HMCN1: variants seen among roughly 807,000 people sequenced by gnomAD.
HMCN1 encodes hemicentin-1.
In HMCN1, 321 loss-of-function variants were observed where a neutral mutation model predicts 625.9. The ratio of observed to expected loss-of-function variants is 0.51; its 90% CI spans 0.47 to 0.56. The LOEUF is 0.56. Ranked by LOEUF, HMCN1 falls within the 20% of genes least tolerant of loss-of-function variation. The pLI, the probability that HMCN1 is intolerant of heterozygous loss-of-function variation, is 0.00. For missense variants in HMCN1, 6,588 were observed against 6,887.3 expected (o/e 0.96, Z 1.54); for synonymous variants, 2,425 against 2,417.6 (o/e 1.00, Z -0.09).
intron 52 of HMCN1, among the ~76,000 whole-genome samples, chr1:186,071,709 A>C (rs1337274785): frequency 6.6e-6 from 1 of 152,190 alleles, no homozygotes; most frequent in Non-Finnish European, 1.5e-5. Context: ...GTCATCTTAT[A>C]AAATAAGCAA....
chr1:185,736,906 A>G (rs1456023279), intron 1 of HMCN1, among the ~76,000 whole-genome samples: 1 of 152,240 alleles, frequency 6.6e-6, no homozygotes, highest in Non-Finnish European at 1.5e-5. Flanking sequence ...AATTGTGTGT[A>G]TAATTCAACA....
At chr1:186,023,288 GTTT>G (rs74451695) in intron 36 of HMCN1, 135 bp downstream of exon 36, 251 of 526,110 alleles carry the variant, frequency 4.8e-4, no homozygotes, top group Non-Finnish European at 5.3e-4. Context: ...AAAACCTAGG[GTTT>G]TTTTTTTTTT....
chr1:186,155,665 C>T (rs116921173), intron 97 of HMCN1, among the ~76,000 whole-genome samples: 2,553 of 152,192 alleles, frequency 0.017, 151 homozygotes, highest in East Asian at 0.1. Context: ...ATCTGGGTCC[C>T]ACAATATAAA....
chr1:185,758,247 C>T (rs1655260749), intron 1 of HMCN1, among the ~76,000 whole-genome samples: 1 of 152,174 alleles, frequency 6.6e-6, no homozygotes. Flanking sequence ...AAACTGCCAG[C>T]ATATGACTTT....
chr1:185,829,111 T>A (rs1660698849), intron 1 of HMCN1, among the ~76,000 whole-genome samples: 1 of 152,076 alleles, frequency 6.6e-6, no homozygotes, highest in Non-Finnish European at 1.5e-5. Flanking sequence ...GAAAATTTAG[T>A]CATAAAAGAT....
Position 186,015,306 on chromosome 1 carries a change from A to C in HMCN1, c.4778A>C (p.Gln1593Pro), listed in dbSNP as rs781564468. The change falls in exon 31 of 107, where the codon CAA becomes CCA. Residue 1593 changes from glutamine (Q) to proline (P), a missense_variant. Gln to Pro is a moderately conservative substitution (Grantham distance 76). Around this residue, in one of 3 missense-constraint regions of HMCN1, gnomAD observed 4,628 missense variants for 4,853.1 expected, o/e 0.95. Transcript: ENST00000271588. ...KDGQPIMSSS[Q>P]ALYIDKGQYL... ...GGGCAGCCAATCATGTCCAGCTCACAAGCACTTTATATTGATAAAGGACAA... is the reference window on the plus strand; with the variant it reads ...GGGCAGCCAATCATGTCCAGCTCACCAGCACTTTATATTGATAAAGGACAA... 10 of 1,613,698 alleles carry C rather than the reference A, an allele frequency of 6.2e-6. No homozygotes were observed. The East Asian group carries it at 2.0e-4, about 32-fold the overall frequency.
At chr1:186,182,831 T>G (rs1653018565) in intron 105 of HMCN1, among the ~76,000 whole-genome samples, 1 of 152,178 alleles carries the variant, frequency 6.6e-6, no homozygotes. Flanking sequence ...GAGTTTACAG[T>G]CTAGTGGAGA....
chr1:185,907,561 G>T (rs924680936), intron 4 of HMCN1, among the ~76,000 whole-genome samples: 1 of 151,928 alleles, frequency 6.6e-6, no homozygotes, highest in Admixed American at 6.6e-5. Context: ...GAGTACTTCG[G>T]TCTCTGTCTC....
At chr1:186,169,977 GAAAA>G (rs1178279731) in intron 100 of HMCN1, among the ~76,000 whole-genome samples, 1 of 129,222 alleles carries the variant, frequency 7.7e-6, no homozygotes, top group African/African-American at 2.9e-5. Flanking sequence ...AAATTTACAA[GAAAA>G]AAAAAAAACC....
rs1474550051 is a variant in HMCN1 at position 186,187,811 on chromosome 1, C to T, written c.16415-72C>T. ...AGCCCTCCACATTCTAGTCACACAT[C>T]TACAGTGCCTGCTCTGATGGCCTTC... On this transcript the variant is annotated intron_variant, in intron 105 of 106. Transcript: ENST00000271588. 4 of 1,596,466 alleles carry T rather than the reference C, an allele frequency of 2.5e-6. No homozygotes were observed. In the African/African-American group the frequency reaches 5.4e-5, roughly 21 times the overall value.
At chr1:186,095,555 G>C in intron 68 of HMCN1, 34 bp downstream of exon 68, 1 of 1,598,582 alleles carries the variant, frequency 6.3e-7, no homozygotes, top group South Asian at 1.1e-5. Context: ...TAGAATAATT[G>C]GAAAGTAAGT....
chr1:186,174,758 G>T lies in HMCN1; in HGVS notation c.15943+116G>T, dbSNP rs1652456870. The T allele has an allele frequency of 1.1e-5, 10 of 923,376 alleles. No individual in the cohort carries two copies. In the East Asian group the frequency reaches 1.8e-4, roughly 16 times the overall value. The allele number at this position is 923,376 out of a possible 1,614,324, so 57.2% of individuals were successfully genotyped here. On this transcript the variant is annotated intron_variant, in intron 103 of 106. Coordinates refer to ENST00000271588, the MANE Select transcript of HMCN1 (RefSeq NM_031935.3). ...AATGGTCTCTTGTTACAATAATAAG[G>T]TATGTGAATTGATTTACGTCATTCA...
chr1:185,862,471 T>C (rs1662935481), intron 2 of HMCN1, among the ~76,000 whole-genome samples: 1 of 152,124 alleles, frequency 6.6e-6, no homozygotes, highest in Non-Finnish European at 1.5e-5. Flanking sequence ...CAAATATCTA[T>C]GCAGATAGCA....
rs907772067 is a variant in HMCN1 at position 186,016,905 on chromosome 1, A to T, written c.5192-58A>T. 3.3e-6 allele frequency: 3 copies of T among 910,754 alleles called. No individual in the cohort carries two copies. The African/African-American group carries it at 4.9e-5, about 15-fold the overall frequency. 56.4% of individuals were successfully genotyped at this position (910,754 alleles called of 1,614,324 possible). A position where few individuals can be genotyped will look rare whatever the true frequency, so the allele number is the denominator to read the frequency against. ...CTGCTATGTATTATTGCTTCATATG[A>T]TGGTGTGTTTTTTGTTGTATACATT... On this transcript the variant is annotated intron_variant, in intron 32 of 106. Coordinates refer to ENST00000271588, the MANE Select transcript of HMCN1 (RefSeq NM_031935.3).
chr1:186,081,412 T>C lies in HMCN1; in HGVS notation c.8787+18T>C, dbSNP rs1405792136. The C allele has an allele frequency of 2.5e-6, 4 of 1,579,990 alleles. No individual in the cohort carries two copies. The South Asian group carries it at 3.3e-5, about 13-fold the overall frequency. ...TTCTGCAGGTAAAAGTAAAGAAAGATCTAATTTTAAAAGAGCTATTTGACT... is the reference window on the plus strand; with the variant it reads ...TTCTGCAGGTAAAAGTAAAGAAAGACCTAATTTTAAAAGAGCTATTTGACT... On this transcript the variant is annotated intron_variant, in intron 56 of 106. Coordinates refer to ENST00000271588, the MANE Select transcript of HMCN1 (RefSeq NM_031935.3).
At chr1:186,140,391 G>A (rs932908693) in intron 89 of HMCN1, among the ~76,000 whole-genome samples, 1 of 152,012 alleles carries the variant, frequency 6.6e-6, no homozygotes, top group African/African-American at 2.4e-5. Flanking sequence ...AATTCAATTT[G>A]GATTTGTCTA....
intron 1 of HMCN1, among the ~76,000 whole-genome samples, chr1:185,766,559 A>G (rs1557951675): frequency 2.0e-5 from 3 of 152,158 alleles, no homozygotes; most frequent in African/African-American, 2.4e-5. Context: ...AAACCAAATG[A>G]AATAAACAGA....
chr1:186,159,599 T>C (rs919347556), intron 97 of HMCN1, among the ~76,000 whole-genome samples: 5 of 152,238 alleles, frequency 3.3e-5, no homozygotes, highest in Non-Finnish European at 5.9e-5. Context: ...GTCCCATTAA[T>C]ACCTAACATA....
In HMCN1 at chr1:186,151,193, C is replaced by G. The variant is rs371082717; in HGVS notation, c.14609-7C>G. On this transcript the variant is annotated splice_polypyrimidine_tract_variant and splice_region_variant and intron_variant, in intron 93 of 106. Coordinates refer to ENST00000271588, the MANE Select transcript of HMCN1 (RefSeq NM_031935.3). Reference sequence around the variant, plus strand: ...TTATCCAGGAATGTTTTTTTTTCCCCCAATAGGTGGGCCCCAGCGAGCCAG... The same window carrying G: ...TTATCCAGGAATGTTTTTTTTTCCCGCAATAGGTGGGCCCCAGCGAGCCAG... The G allele has an allele frequency of 1.9e-6, 3 of 1,611,476 alleles. No individual in the cohort carries two copies. Among genetic ancestry groups the G allele is most frequent in the Middle Eastern group, 3.3e-4 (2 of 6,066 alleles).
Sources: gnomAD v4.1 joint callset for allele counts (sites outside exome capture counted in the v4.1 genomes callset) on GRCh38, gnomAD v4.1.1 for gene constraint, gnomAD v4.1.1 regional missense constraint, MANE v1.5 for transcripts, NCBI Gene and HGNC (gene_info 2026-07-23, HGNC 2026-07-21) for gene names.